PCDH15: variants seen among roughly 807,000 people sequenced by gnomAD.
PCDH15 encodes protocadherin related 15.
Under a neutral mutation model 178.5 loss-of-function variants are expected in PCDH15, and 129 were observed. The observed-to-expected ratio is 0.72, with a 90% confidence interval of 0.63 to 0.84. The LOEUF (loss-of-function observed/expected upper bound fraction) is 0.84, where lower values mean the gene tolerates loss of function less well. Among genes scored for constraint, PCDH15 ranks in the 40% least tolerant of loss-of-function variants. The pLI, the probability that PCDH15 is intolerant of heterozygous loss-of-function variation, is 0.00. For missense variants in PCDH15, 2,230 were observed against 2,099.9 expected (o/e 1.06, Z -1.21); for synonymous variants, 800 against 732.0 (o/e 1.09, Z -1.50).
intron 8 of PCDH15, among the ~76,000 whole-genome samples, chr10:54,275,062 A>G (rs1282439418): frequency 6.6e-6 from 1 of 151,994 alleles, no homozygotes; most frequent in African/African-American, 2.4e-5. Flanking sequence ...CTTACAGACA[A>G]TAAAGTTGTC....
intron 3 of PCDH15, among the ~76,000 whole-genome samples, chr10:54,830,172 G>C (rs927509789): frequency 1.3e-5 from 2 of 152,270 alleles, no homozygotes; most frequent in Admixed American, 1.3e-4. Flanking sequence ...GGAAGTCAAT[G>C]TGGCGATTCC....
chr10:54,530,395 C>T (rs2083787086), intron 2 of PCDH15, among the ~76,000 whole-genome samples: 1 of 152,184 alleles, frequency 6.6e-6, no homozygotes, highest in African/African-American at 2.4e-5. Context: ...GCAGTACACA[C>T]TGTATCCCAT....
At chr10:54,774,091 C>T (rs1364101302) in intron 1 of PCDH15, among the ~76,000 whole-genome samples, 1 of 134,160 alleles carries the variant, frequency 7.5e-6, no homozygotes, top group Non-Finnish European at 1.5e-5. Context: ...TGCAGTGGCG[C>T]GGTCTCGGCT....
intron 8 of PCDH15, among the ~76,000 whole-genome samples, chr10:54,297,038 C>G (rs1374377737): frequency 6.6e-6 from 1 of 151,908 alleles, no homozygotes; most frequent in Non-Finnish European, 1.5e-5. Context: ...TTGGTGAGCG[C>G]AACTATTCCC....
chr10:54,005,385 G>T (rs1427848914), intron 20 of PCDH15, among the ~76,000 whole-genome samples: 2 of 152,104 alleles, frequency 1.3e-5, no homozygotes, highest in Non-Finnish European at 2.9e-5. Flanking sequence ...CCCACAGGGT[G>T]AGCGCAAATA....
rs950891280 is a variant in PCDH15 at position 54,633,123 on chromosome 10, C to A, written c.91+31049G>T. Among the ~76,000 whole-genome samples, 40 of 151,846 alleles carry A rather than the reference C, an allele frequency of 2.6e-4. 1 individual carries two copies. The highest frequency in any genetic ancestry group is 2.6e-3 in the Admixed American group (40 of 15,224). On this transcript the variant is annotated intron_variant, in intron 2 of 37. Coordinates refer to ENST00000644397, the MANE Select transcript of PCDH15 (RefSeq NM_001384140.1). The stretch of plus-strand genomic sequence containing the variant: ...ATGGAATACGGAGACTGAAAAAAAG[C>A]CCAAGTAAATGAGACACATTTCTGT...
intron 2 of PCDH15, among the ~76,000 whole-genome samples, chr10:55,104,818 TAAG>T (rs1842640372): frequency 6.6e-6 from 1 of 152,316 alleles, no homozygotes; most frequent in Non-Finnish European, 1.5e-5. Context: ...TGGTGTTATT[TAAG>T]GTTTATGATA....
intron 2 of PCDH15, among the ~76,000 whole-genome samples, chr10:55,619,865 T>C (rs996148016): frequency 6.6e-5 from 10 of 152,186 alleles, no homozygotes; most frequent in African/African-American, 2.4e-4. Flanking sequence ...CTCATTAAAG[T>C]AAGTCTGCAC....
At chr10:55,016,098 T>A (rs79954597) in intron 2 of PCDH15, among the ~76,000 whole-genome samples, 29 of 115,602 alleles carry the variant, frequency 2.5e-4, no homozygotes, top group Admixed American at 4.6e-4. Context: ...CTTTTTTTTT[T>A]AAAAAAAAAA....
At chr10:54,774,250 G>C (rs534981403) in intron 1 of PCDH15, among the ~76,000 whole-genome samples, 128 of 151,810 alleles carry the variant, frequency 8.4e-4, no homozygotes, top group South Asian at 1.5e-3. Context: ...GGATGGTCTC[G>C]ATCTCCTGAC....
intron 2 of PCDH15, among the ~76,000 whole-genome samples, chr10:55,432,362 T>TA (rs1332527431): frequency 6.6e-6 from 1 of 152,204 alleles, no homozygotes; most frequent in African/African-American, 2.4e-5. Context: ...ATTTTGATTT[T>TA]ATTCTGAGTG....
chr10:55,527,491 C>T (rs1841325822), intron 2 of PCDH15, among the ~76,000 whole-genome samples: 1 of 151,946 alleles, frequency 6.6e-6, no homozygotes, highest in Non-Finnish European at 1.5e-5. Context: ...TCCAGGATGA[C>T]TTCATCTTAA....
chr10:55,625,485 G>A (rs778945420), intron 2 of PCDH15, among the ~76,000 whole-genome samples: 16 of 152,098 alleles, frequency 1.1e-4, no homozygotes, highest in Non-Finnish European at 2.1e-4. Context: ...TGTTAGATAT[G>A]CAATTAATTG....
chr10:55,567,483 T>C (rs1236450572), intron 2 of PCDH15, among the ~76,000 whole-genome samples: 1 of 150,128 alleles, frequency 6.7e-6, no homozygotes, highest in Admixed American at 6.6e-5. Flanking sequence ...AAAAGAAAAT[T>C]ATAACTACAG....
intron 3 of PCDH15, among the ~76,000 whole-genome samples, chr10:54,812,185 T>C (rs754156709): frequency 1.1e-4 from 16 of 151,586 alleles, no homozygotes; most frequent in Non-Finnish European, 1.9e-4. Context: ...ATTCAAAAAC[T>C]CTCCCAATAC....
Position 55,508,113 on chromosome 10 carries a change from T to C in PCDH15, c.-156+119512A>G, listed in dbSNP as rs1422910472. 2.0e-5 allele frequency among the ~76,000 whole-genome samples: 3 copies of C among 151,666 alleles called. No homozygotes were observed. The East Asian group carries it at 5.8e-4, about 29-fold the overall frequency. On this transcript the variant is annotated intron_variant, in intron 2 of 5. Transcript: ENST00000613346. ...AATTTTTTAAAATTAGATTTTATTA[T>C]GACTTGGTGGGGTAGACCACAATTA...
chr10:55,418,566 G>A (rs370865149), intron 2 of PCDH15, among the ~76,000 whole-genome samples: 3 of 151,638 alleles, frequency 2.0e-5, no homozygotes, highest in African/African-American at 4.8e-5. Flanking sequence ...GCAAGCAGCC[G>A]CCCACCAGAT....
In PCDH15 at chr10:54,183,443, C is replaced by G; in HGVS notation, c.1590+1G>C. The G allele has an allele frequency of 6.2e-7, 1 of 1,609,460 alleles. No individual in the cohort carries two copies. Among genetic ancestry groups the G allele is most frequent in the Non-Finnish European group, 8.5e-7 (1 of 1,175,926 alleles). The stretch of plus-strand genomic sequence containing the variant: ...TACACTTATATTATGTGAGTAGTTA[C>G]CTGTATGACACTGTCCCCAGGTCTC... On this transcript the variant is annotated splice_donor_variant, in intron 13 of 37. Coordinates refer to ENST00000644397, the MANE Select transcript of PCDH15 (RefSeq NM_001384140.1). LOFTEE classifies it high-confidence loss of function.
intron 37 of PCDH15, 24 bp downstream of exon 37, chr10:53,810,532 A>T: frequency 6.3e-7 from 1 of 1,588,088 alleles, no homozygotes; most frequent in Non-Finnish European, 8.6e-7. Context: ...ATATTATCTT[A>T]CATAATAAAA....
Sources: allele counts gnomAD v4.1 joint callset (sites outside exome capture counted in the v4.1 genomes callset), GRCh38; gene constraint gnomAD v4.1.1; transcripts MANE v1.5; gene names NCBI Gene and HGNC (gene_info 2026-07-23, HGNC 2026-07-21).